Variants in TOR3A observed in about 807,000 individuals in gnomAD.
TOR3A encodes torsin-3A.
TOR3A carries 44 observed loss-of-function variants against 42.1 expected under a neutral mutation model. The observed-to-expected ratio is 1.04, with a 90% confidence interval of 0.82 to 1.34. The LOEUF (loss-of-function observed/expected upper bound fraction) is 1.34, where lower values mean the gene tolerates loss of function less well. TOR3A is among the 40% of genes most tolerant of loss of function. TOR3A has a pLI of 0.00. For synonymous variants in TOR3A, 227 were observed against 213.2 expected, an observed-to-expected ratio of 1.06 and a Z score of -0.57; for missense variants, 521 against 507.6, an observed-to-expected ratio of 1.03 and a Z score of -0.25.
At chr1:179,089,203 C>A (rs1397189330) in intron 4 of TOR3A, among the ~76,000 whole-genome samples, 1 of 151,904 alleles carries the variant, frequency 6.6e-6, no homozygotes, top group African/African-American at 2.4e-5. Context: ...TGCCTGTAAT[C>A]CCAGCTACTC....
chr1:179,093,340 C>CA (rs1652645894), intron 4 of TOR3A, among the ~76,000 whole-genome samples: 1 of 152,040 alleles, frequency 6.6e-6, no homozygotes, highest in Non-Finnish European at 1.5e-5. Flanking sequence ...CACAGGCAAG[C>CA]AAAAAACACT....
chr1:179,084,303 T>A (rs1054271281), intron 2 of TOR3A, among the ~76,000 whole-genome samples: 3 of 152,228 alleles, frequency 2.0e-5, no homozygotes, highest in African/African-American at 7.2e-5. Flanking sequence ...CTCGTCTCAC[T>A]GCAAACTCTG....
At chr1:179,088,621 T>G (rs946233717) in intron 4 of TOR3A, 2 of 152,456 alleles carry the variant, frequency 1.3e-5, no homozygotes, top group Admixed American at 1.3e-4. Flanking sequence ...AAGTCATCAC[T>G]GGCTTAAAAT....
At chr1:179,084,934 G>C (rs1243763277) in intron 2 of TOR3A, among the ~76,000 whole-genome samples, 1 of 152,210 alleles carries the variant, frequency 6.6e-6, no homozygotes, top group Non-Finnish European at 1.5e-5. Context: ...TGGCTGAATT[G>C]AATGAGAATG....
At chr1:179,089,597 C>G (rs777488797) in intron 4 of TOR3A, among the ~76,000 whole-genome samples, 4 of 152,180 alleles carry the variant, frequency 2.6e-5, no homozygotes, top group African/African-American at 9.7e-5. Context: ...CGGAGGCAGC[C>G]GGGCTCACCT....
chr1:179,087,196 T>C (rs1652457955), intron 3 of TOR3A, among the ~76,000 whole-genome samples: 1 of 152,192 alleles, frequency 6.6e-6, no homozygotes, highest in African/African-American at 2.4e-5. Context: ...TCGATGAACA[T>C]TGCAAAGAAC....
At chr1:179,082,616 G>A in intron 1 of TOR3A, 1 of 569,720 alleles carries the variant, frequency 1.8e-6, no homozygotes, top group Non-Finnish European at 3.0e-6. Context: ...CCGGCTTCCC[G>A]TCCCCCGCCT....
chr1:179,088,671 T>C (rs1652498736), intron 4 of TOR3A, among the ~76,000 whole-genome samples: 1 of 152,218 alleles, frequency 6.6e-6, no homozygotes, highest in Non-Finnish European at 1.5e-5. Context: ...TTCCTCTGAG[T>C]ACCTGTAGTT....
In TOR3A at chr1:179,089,974, G is replaced by A. The variant is rs1572575927; in HGVS notation, c.818+1885G>A. On this transcript the variant is annotated intron_variant, in intron 4 of 5. Coordinates refer to ENST00000367627, the MANE Select transcript of TOR3A (RefSeq NM_022371.4). ...TTGCCTAACGTGACCCGGTGACCCT[G>A]CAGTCTCCAGGCAAATGTTATAGCC... Among the ~76,000 whole-genome samples, 3 of 152,260 alleles carry A rather than the reference G, an allele frequency of 2.0e-5. No homozygotes were observed. In the East Asian group the frequency reaches 5.8e-4, roughly 29 times the overall value.
At position 179,083,112 on chromosome 1, in the gene TOR3A, G is replaced by T. The variant is rs547145862; in HGVS notation, c.373+59G>T. ...TCTGTGGGGAGGGGAGGCAGTCCAG[G>T]GGAAATGGTTAGATGCAAGGGACCT... is the stretch of plus-strand genomic sequence containing the variant. On this transcript the variant is annotated intron_variant, in intron 2 of 5. Coordinates refer to ENST00000367627, the MANE Select transcript of TOR3A (RefSeq NM_022371.4). 4 of 1,091,460 alleles carry T rather than the reference G, an allele frequency of 3.7e-6. No homozygotes were observed. In the African/African-American group the frequency reaches 4.8e-5, roughly 13 times the overall value. The allele number at this position is 1,091,460 out of a possible 1,614,324, so 67.6% of individuals were successfully genotyped here.
Position 179,088,109 on chromosome 1 carries a change from A to T in TOR3A, c.818+20A>T. On this transcript the variant is annotated intron_variant, in intron 4 of 5. Coordinates refer to ENST00000367627, the MANE Select transcript of TOR3A (RefSeq NM_022371.4). ...TCTCAGGTGGGTTCTGGGGAACAATAGTCAGGAGGGCTGGGGGAGGGGAAG... is the reference window on the plus strand; with the variant it reads ...TCTCAGGTGGGTTCTGGGGAACAATTGTCAGGAGGGCTGGGGGAGGGGAAG... 6.5e-7 allele frequency: 1 copy of T among 1,543,020 alleles called. No individual in the cohort carries two copies. Among genetic ancestry groups the T allele is most frequent in the Non-Finnish European group, 8.7e-7 (1 of 1,144,914 alleles).
At chr1:179,084,644 C>A (rs545304367) in intron 2 of TOR3A, among the ~76,000 whole-genome samples, 2 of 152,352 alleles carry the variant, frequency 1.3e-5, no homozygotes, top group African/African-American at 4.8e-5. Flanking sequence ...TAATTTTCTT[C>A]TATGTCACTA....
intron 4 of TOR3A, among the ~76,000 whole-genome samples, chr1:179,091,973 G>A (rs1570807): frequency 0.31 from 47,478 of 152,150 alleles, 7,560 homozygotes; most frequent in Middle Eastern, 0.37. Flanking sequence ...AAGCCTGGCT[G>A]AGCAACTGAC....
At chr1:179,088,245 C>G (rs909684377) in intron 4 of TOR3A, 156 bp downstream of exon 4, 1 of 795,022 alleles carries the variant, frequency 1.3e-6, no homozygotes, top group Admixed American at 3.7e-5. Flanking sequence ...TGGTAGCTCA[C>G]GCCTGTAATC....
chr1:179,082,577 C>G (rs1484026606), intron 1 of TOR3A, 190 bp downstream of exon 1: 1 of 861,518 alleles, frequency 1.2e-6, no homozygotes, highest in East Asian at 2.7e-5. Context: ...CCTTGCCCCA[C>G]CCGCGTCCCC....
At chr1:179,089,062 G>C (rs182436867) in intron 4 of TOR3A, among the ~76,000 whole-genome samples, 157 of 152,256 alleles carry the variant, frequency 1.0e-3, no homozygotes, top group Non-Finnish European at 1.9e-3. Flanking sequence ...GGGGAGTGTG[G>C]AGGGGTGAAG....
At chr1:179,082,488 C>G (rs1652316814) in intron 1 of TOR3A, 101 bp downstream of exon 1, 40 of 1,444,404 alleles carry the variant, frequency 2.8e-5, no homozygotes, top group Non-Finnish European at 3.7e-5. Context: ...CATCTGGGCC[C>G]GCAGTCCTGC....
At chr1:179,090,956 C>T (rs868356638) in intron 4 of TOR3A, among the ~76,000 whole-genome samples, 11 of 152,122 alleles carry the variant, frequency 7.2e-5, no homozygotes, top group Non-Finnish European at 1.3e-4. Flanking sequence ...TTTGTGGAGT[C>T]GTGGTGGGCC....
Position 179,082,109 on chromosome 1 carries a change from C to G in TOR3A, c.-20C>G. On this transcript the variant is annotated 5_prime_UTR_variant, in exon 1 of 6. Transcript: ENST00000367627. The stretch of plus-strand genomic sequence containing the variant: ...CTGGCTAGGCCGGCAGCCGGATGGT[C>G]CCGCAGCTCGGGGCCGGCCATGCTT... 1 of 1,459,076 alleles carries G rather than the reference C, an allele frequency of 6.9e-7. No individual in the cohort carries two copies. The highest frequency in any genetic ancestry group is 2.5e-5 in the Admixed American group (1 of 39,532). 90.4% of individuals were successfully genotyped at this position (1,459,076 alleles called of 1,614,324 possible). A position where few individuals can be genotyped will look rare whatever the true frequency, so the allele number is the denominator to read the frequency against.
Sources: allele counts gnomAD v4.1 joint callset (sites outside exome capture counted in the v4.1 genomes callset), GRCh38; gene constraint gnomAD v4.1.1; transcripts MANE v1.5; gene names NCBI Gene and HGNC (gene_info 2026-07-23, HGNC 2026-07-21).